Variants in ATRNL1 observed in about 807,000 individuals in gnomAD.
ATRNL1 encodes the protein attractin like 1, also known as attractin-like protein 1.
A neutral mutation model predicts 182.7 loss-of-function variants in ATRNL1; 95 were observed. That is an observed-to-expected ratio of 0.52 (90% CI 0.44 to 0.62). The LOEUF is 0.62. Ranked by LOEUF, ATRNL1 falls within the 20% of genes least tolerant of loss-of-function variation. The pLI, the probability that ATRNL1 is intolerant of heterozygous loss-of-function variation, is 0.00. For synonymous variants in ATRNL1, 576 were observed against 568.3 expected, an observed-to-expected ratio of 1.01 and a Z score of -0.19; for missense variants, 1,471 against 1,679.5, an observed-to-expected ratio of 0.88 and a Z score of 2.17.
At chr10:115,528,810 A>G (rs1851397214) in intron 25 of ATRNL1, among the ~76,000 whole-genome samples, 1 of 151,944 alleles carries the variant, frequency 6.6e-6, no homozygotes, top group African/African-American at 2.4e-5. Context: ...GAGTTTTGGT[A>G]TGTTGTGTTT....
intron 26 of ATRNL1, among the ~76,000 whole-genome samples, chr10:115,663,686 C>A (rs1470011524): frequency 2.0e-5 from 3 of 152,024 alleles, no homozygotes; most frequent in African/African-American, 7.2e-5. Context: ...CATATGTCAT[C>A]AAGTAGAACT....
chr10:115,517,566 G>T (rs1850704375), intron 24 of ATRNL1, among the ~76,000 whole-genome samples: 1 of 151,550 alleles, frequency 6.6e-6, no homozygotes, highest in Non-Finnish European at 1.5e-5. Context: ...TATTTTATTT[G>T]TTATTTCATC....
intron 24 of ATRNL1, among the ~76,000 whole-genome samples, chr10:115,507,231 G>A (rs868919398): frequency 2.6e-5 from 4 of 152,088 alleles, no homozygotes; most frequent in Non-Finnish European, 5.9e-5. Flanking sequence ...GCAGAGGGGC[G>A]ACTTTGAATG....
intron 26 of ATRNL1, among the ~76,000 whole-genome samples, chr10:115,593,381 G>T (rs1856030523): frequency 6.6e-6 from 1 of 152,158 alleles, no homozygotes; most frequent in Admixed American, 6.5e-5. Flanking sequence ...CATGGTATTG[G>T]CACAAAAGCA....
rs374176872 is a variant in ATRNL1, at chr10:115,383,524, A to C, written c.3176-11135A>C. ...TTCCCTTACTGCGTTTATGTTTGTA[A>C]GTTTATATTTATAAAATTGAATATA... On this transcript the variant is annotated intron_variant, in intron 19 of 28. Coordinates refer to ENST00000355044, the MANE Select transcript of ATRNL1 (RefSeq NM_207303.4). Among the ~76,000 whole-genome samples the C allele has an allele frequency of 1.1e-4, 16 of 151,990 alleles. No homozygotes were observed. In the South Asian group the frequency reaches 3.1e-3, roughly 30 times the overall value.
At position 115,916,279 on chromosome 10, in the gene ATRNL1, A is replaced by C. The variant is rs575557010; in HGVS notation, c.4019-28379A>C. Among the ~76,000 whole-genome samples the C allele has an allele frequency of 1.2e-4, 19 of 152,352 alleles. No individual in the cohort carries two copies. In the South Asian group the frequency reaches 3.9e-3, roughly 32 times the overall value. ...TTTACTGCGGAATTGCTTCAGATTT[A>C]AGCTATAGCCTAATCGTAATTAGCA... On this transcript the variant is annotated intron_variant, in intron 28 of 28. Transcript: ENST00000355044.
chr10:115,197,612 A>G (rs1199266207), intron 8 of ATRNL1, among the ~76,000 whole-genome samples: 1 of 152,104 alleles, frequency 6.6e-6, no homozygotes, highest in East Asian at 1.9e-4. Flanking sequence ...CACTGTGTAT[A>G]TACAGTTGTC....
intron 25 of ATRNL1, among the ~76,000 whole-genome samples, chr10:115,541,303 C>T (rs1852345653): frequency 6.6e-6 from 1 of 152,116 alleles, no homozygotes; most frequent in Admixed American, 6.6e-5. Context: ...ACAAAATATG[C>T]AAGAGTGCTC....
rs1175622692 is a variant in ATRNL1 at position 115,876,751 on chromosome 10, AT to A, written c.4018+28766del. Among the ~76,000 whole-genome samples the A allele has an allele frequency of 1.8e-4, 28 of 152,178 alleles. 1 individual carries two copies. The highest frequency in any genetic ancestry group is 6.5e-4 in the African/African-American group (27 of 41,456). On this transcript the variant is annotated intron_variant, in intron 28 of 28. Coordinates refer to ENST00000355044, the MANE Select transcript of ATRNL1 (RefSeq NM_207303.4). ...GTACATTGAAAAATAATTTTAAAGC[AT>A]TTTTTAGTAATTTGTGTTTTTAAGT...
chr10:115,923,006 T>C (rs533379831), intron 28 of ATRNL1, among the ~76,000 whole-genome samples: 2 of 152,290 alleles, frequency 1.3e-5, no homozygotes, highest in African/African-American at 2.4e-5. Context: ...ATATGAATAA[T>C]TTCCATGAAT....
chr10:115,734,996 A>G (rs1282704473), intron 27 of ATRNL1, among the ~76,000 whole-genome samples: 2 of 151,804 alleles, frequency 1.3e-5, no homozygotes, highest in Non-Finnish European at 2.9e-5. Flanking sequence ...CTTGCTTCCA[A>G]TTTTCTTTGT....
chr10:115,126,364 T>C (rs1442520447), intron 3 of ATRNL1, among the ~76,000 whole-genome samples: 1 of 152,136 alleles, frequency 6.6e-6, no homozygotes, highest in Non-Finnish European at 1.5e-5. Flanking sequence ...GGCCCAGACC[T>C]ATTCTTTTTA....
At chr10:115,336,317 A>G (rs1855479293) in intron 19 of ATRNL1, among the ~76,000 whole-genome samples, 1 of 152,210 alleles carries the variant, frequency 6.6e-6, no homozygotes, top group Admixed American at 6.5e-5. Context: ...GATACATAAG[A>G]TGCAGTAATT....
At chr10:115,572,188 C>CTA (rs1371448146) in intron 26 of ATRNL1, among the ~76,000 whole-genome samples, 1 of 151,850 alleles carries the variant, frequency 6.6e-6, no homozygotes, top group Non-Finnish European at 1.5e-5. Context: ...GTAAATTTTA[C>CTA]TATATATATA....
intron 24 of ATRNL1, among the ~76,000 whole-genome samples, chr10:115,497,494 C>G (rs143219343): frequency 1.4e-3 from 207 of 152,180 alleles, no homozygotes; most frequent in African/African-American, 4.7e-3. Flanking sequence ...TTTCTGTTCT[C>G]CATGGGTCAC....
At chr10:115,369,317 G>A (rs1179106481) in intron 19 of ATRNL1, among the ~76,000 whole-genome samples, 6 of 138,674 alleles carry the variant, frequency 4.3e-5, no homozygotes, top group African/African-American at 1.4e-4. Flanking sequence ...GGGGAAGGGG[G>A]TTCCATGAGG....
At chr10:115,457,511 C>A (rs1421432035) in intron 21 of ATRNL1, among the ~76,000 whole-genome samples, 4 of 152,008 alleles carry the variant, frequency 2.6e-5, no homozygotes, top group Non-Finnish European at 5.9e-5. Context: ...ATTTGTCTGT[C>A]TCCTGTCACT....
At chr10:115,660,980 G>C (rs1392530286) in intron 26 of ATRNL1, among the ~76,000 whole-genome samples, 2 of 152,040 alleles carry the variant, frequency 1.3e-5, no homozygotes, top group East Asian at 3.9e-4. Context: ...ATAATCATTA[G>C]ATTCAGATTT....
intron 19 of ATRNL1, among the ~76,000 whole-genome samples, chr10:115,369,406 G>A (rs79869371): frequency 0.023 from 3,424 of 152,054 alleles, 130 homozygotes; most frequent in African/African-American, 0.078. Flanking sequence ...TTCTGTGAGC[G>A]GGATTGGGGT....
Sources: gnomAD v4.1 joint callset for allele counts (sites outside exome capture counted in the v4.1 genomes callset) on GRCh38, gnomAD v4.1.1 for gene constraint, MANE v1.5 for transcripts, NCBI Gene and HGNC (gene_info 2026-07-23, HGNC 2026-07-21) for gene names.